Variants in PLXNA4 observed in about 807,000 individuals in gnomAD.
PLXNA4 encodes the protein plexin A4.
PLXNA4 carries 44 observed loss-of-function variants against 191.8 expected under a neutral mutation model. That is an observed-to-expected ratio of 0.23 (90% confidence interval 0.18 to 0.29). The LOEUF (loss-of-function observed/expected upper bound fraction) is 0.29, where lower values mean the gene tolerates loss of function less well. Among genes scored for constraint, PLXNA4 ranks in the 10% least tolerant of loss-of-function variants. The pLI, the probability that PLXNA4 is intolerant of heterozygous loss-of-function variation, is 1.00. For synonymous variants in PLXNA4, 1,082 were observed against 1,009.5 expected, an observed-to-expected ratio of 1.07 and a Z score of -1.36; for missense variants, 1,800 against 2,488.8, an observed-to-expected ratio of 0.72 and a Z score of 5.89.
At chr7:132,463,209 A>T (rs1796582896) in intron 3 of PLXNA4, among the ~76,000 whole-genome samples, 1 of 152,158 alleles carries the variant, frequency 6.6e-6, no homozygotes, top group Non-Finnish European at 1.5e-5. Context: ...GGGTACCATG[A>T]AACCAAGCTG....
chr7:132,620,203 G>T (rs1803234657), intron 2 of PLXNA4, among the ~76,000 whole-genome samples: 1 of 152,198 alleles, frequency 6.6e-6, no homozygotes, highest in African/African-American at 2.4e-5. Flanking sequence ...CATTCAGTAT[G>T]CACGTTCTCA....
intron 15 of PLXNA4, among the ~76,000 whole-genome samples, chr7:132,186,378 T>C (rs753053158): frequency 1.3e-5 from 2 of 152,196 alleles, no homozygotes; most frequent in African/African-American, 4.8e-5. Context: ...CCCTCGTGAA[T>C]GGGCTTTAGT....
chr7:132,175,206 T>C (rs1291923992), intron 20 of PLXNA4, among the ~76,000 whole-genome samples: 1 of 152,138 alleles, frequency 6.6e-6, no homozygotes, highest in Non-Finnish European at 1.5e-5. Flanking sequence ...AGATCTGTGC[T>C]GCTGCTTGGC....
intron 2 of PLXNA4, among the ~76,000 whole-genome samples, chr7:132,612,284 T>C (rs1803063698): frequency 6.6e-6 from 1 of 152,184 alleles, no homozygotes; most frequent in African/African-American, 2.4e-5. Flanking sequence ...GGGCTTCTTT[T>C]ACTAAGAATG....
chr7:132,165,895 C>T (rs567310147), intron 22 of PLXNA4, among the ~76,000 whole-genome samples: 8 of 152,120 alleles, frequency 5.3e-5, no homozygotes, highest in Non-Finnish European at 1.2e-4. Flanking sequence ...CAGCCCAAGC[C>T]GTGTTAAAAC....
At chr7:132,510,654 C>A (rs1439189325) in intron 1 of PLXNA4, among the ~76,000 whole-genome samples, 2 of 152,106 alleles carry the variant, frequency 1.3e-5, no homozygotes, top group East Asian at 3.9e-4. Flanking sequence ...AGACTTCTAA[C>A]TTAGGGTGAG....
At chr7:132,233,778 C>T (rs1488466911) in intron 5 of PLXNA4, among the ~76,000 whole-genome samples, 1 of 152,252 alleles carries the variant, frequency 6.6e-6, no homozygotes, top group Non-Finnish European at 1.5e-5. Flanking sequence ...TTGCAGCCTT[C>T]ATTGAGAAGC....
At chr7:132,158,974 T>C (rs1304607752) in intron 25 of PLXNA4, among the ~76,000 whole-genome samples, 2 of 152,172 alleles carry the variant, frequency 1.3e-5, no homozygotes, top group Admixed American at 6.5e-5. Flanking sequence ...TTCCCTATAC[T>C]TTCTCTCCAT....
At position 132,132,425 on chromosome 7, in the gene PLXNA4, C is replaced by CTGT. The variant is rs1276099453; in HGVS notation, c.5589+621_5589+623dup. On this transcript the variant is annotated intron_variant, in intron 31 of 31. Coordinates refer to ENST00000321063, the MANE Select transcript of PLXNA4 (RefSeq NM_020911.2). ...CTGTTCTGTTCTGTTCTGTTCTGTT[C>CTGT]TGTTCTGTTCTGTTCTGTTCTGTTC... is the stretch of plus-strand genomic sequence containing the variant. Among the ~76,000 whole-genome samples the CTGT allele has an allele frequency of 5.4e-3, 402 of 74,090 alleles. 11 individuals are homozygous for CTGT. The highest frequency in any genetic ancestry group is 0.02 in the African/African-American group (377 of 18,512). The allele number at this position is 74,090 out of a possible 152,430, so 48.6% of individuals were successfully genotyped here.
rs187470095 is a variant in PLXNA4, at chr7:132,373,110, C to T, written c.1372-74888G>A. On this transcript the variant is annotated intron_variant, in intron 3 of 31. Coordinates refer to ENST00000321063, the MANE Select transcript of PLXNA4 (RefSeq NM_020911.2). ...TAAATATCATTATTCCCATTTTGCA[C>T]GGGCACTAATTCCAAGCTTTGAGAT... Among the ~76,000 whole-genome samples, 3 of 152,220 alleles carry T rather than the reference C, an allele frequency of 2.0e-5. No individual in the cohort carries two copies. The East Asian group carries it at 5.8e-4, about 29-fold the overall frequency.
chr7:132,296,779 T>TATAAAAGCA (rs1250398579), intron 4 of PLXNA4, among the ~76,000 whole-genome samples: 1 of 151,862 alleles, frequency 6.6e-6, no homozygotes, highest in African/African-American at 2.4e-5. Context: ...TGGAAGCTGT[T>TATAAAAGCA]ATAAAAGCAA....
intron 1 of PLXNA4, among the ~76,000 whole-genome samples, chr7:132,646,346 T>A (rs1803866813): frequency 6.6e-6 from 1 of 152,142 alleles, no homozygotes; most frequent in African/African-American, 2.4e-5. Flanking sequence ...TCATGGGAAG[T>A]CTCTTTTGTA....
intron 9 of PLXNA4, among the ~76,000 whole-genome samples, chr7:132,214,117 G>A (rs766335335): frequency 6.6e-6 from 1 of 152,154 alleles, no homozygotes; most frequent in African/African-American, 2.4e-5. Context: ...TCCCACCAGT[G>A]GGCAGGACCA....
At chr7:132,333,461 C>T (rs1802679214) in intron 3 of PLXNA4, among the ~76,000 whole-genome samples, 1 of 152,190 alleles carries the variant, frequency 6.6e-6, no homozygotes, top group African/African-American at 2.4e-5. Flanking sequence ...TAATCTAGGC[C>T]AGTGCCAGTG....
Position 132,123,459 on chromosome 7 carries a change from A to C in PLXNA4, c.*7020T>G, listed in dbSNP as rs1584734311. ...ACACAGGTATACAATTAATTATAAC[A>C]AAGGTACAGAAGCTTGCCTTTACCA... On this transcript the variant is annotated 3_prime_UTR_variant, in exon 32 of 32. Coordinates refer to ENST00000321063, the MANE Select transcript of PLXNA4 (RefSeq NM_020911.2). The C allele has an allele frequency of 6.6e-6, 1 of 152,344 alleles. No individual in the cohort carries two copies. Among genetic ancestry groups the C allele is most frequent in the East Asian group, 1.9e-4 (1 of 5,192 alleles). 9.4% of individuals were successfully genotyped at this position (152,344 alleles called of 1,614,324 possible).
chr7:132,189,025 AG>A (rs1562909115), intron 14 of PLXNA4, among the ~76,000 whole-genome samples: 13 of 94,188 alleles, frequency 1.4e-4, no homozygotes, highest in African/African-American at 4.8e-4. Flanking sequence ...AGAGAGAGAG[AG>A]AGAAAGAGAG....
intron 2 of PLXNA4, among the ~76,000 whole-genome samples, chr7:132,493,014 G>A (rs1797865770): frequency 6.6e-6 from 1 of 152,216 alleles, no homozygotes; most frequent in Non-Finnish European, 1.5e-5. Context: ...CCTGAAGCAG[G>A]GGGAGGGAGG....
At chr7:132,556,616 G>T (rs1563169650) in intron 1 of PLXNA4, among the ~76,000 whole-genome samples, 3 of 152,238 alleles carry the variant, frequency 2.0e-5, no homozygotes, top group Admixed American at 6.5e-5. Flanking sequence ...AGTCTATCCT[G>T]GGTCCTGGGT....
intron 3 of PLXNA4, among the ~76,000 whole-genome samples, chr7:132,464,840 C>T (rs1339800589): frequency 6.6e-6 from 1 of 152,216 alleles, no homozygotes; most frequent in Non-Finnish European, 1.5e-5. Context: ...CACCTGTCTA[C>T]AAAAAGATTC....
Sources: gnomAD v4.1 joint callset for allele counts (sites outside exome capture counted in the v4.1 genomes callset) on GRCh38, gnomAD v4.1.1 for gene constraint, MANE v1.5 for transcripts, NCBI Gene and HGNC (gene_info 2026-07-23, HGNC 2026-07-21) for gene names.